The following FAM135A variants were observed in gnomAD, a reference collection of about 807,000 sequenced individuals.
The protein encoded by FAM135A is protein FAM135A.
FAM135A carries 79 observed loss-of-function variants against 146.8 expected under a neutral mutation model. That is an observed-to-expected ratio of 0.54 (90% CI 0.45 to 0.65). FAM135A has a LOEUF of 0.65. Among genes scored for constraint, FAM135A ranks in the 30% least tolerant of loss-of-function variants. The pLI is 0.00. For missense variants in FAM135A, 1,623 were observed against 1,758.2 expected (o/e 0.92, Z 1.38); for synonymous variants, 562 against 603.6 (o/e 0.93, Z 1.01).
chr6:70,498,732 T>C (rs1371950429), intron 11 of FAM135A, among the ~76,000 whole-genome samples: 1 of 152,228 alleles, frequency 6.6e-6, no homozygotes, highest in Non-Finnish European at 1.5e-5. Flanking sequence ...TTTCGTTGTT[T>C]ACCCAGTAGT....
chr6:70,517,745 T>G (rs1471720614), intron 12 of FAM135A, among the ~76,000 whole-genome samples: 1 of 152,152 alleles, frequency 6.6e-6, no homozygotes, highest in Non-Finnish European at 1.5e-5. Flanking sequence ...TGGGTAATTT[T>G]TTTTCTTTAA....
intron 21 of FAM135A, 141 bp from the exon 22 acceptor site, chr6:70,559,575 A>C: frequency 1.7e-6 from 1 of 601,260 alleles, no homozygotes; most frequent in Admixed American, 3.5e-5. Flanking sequence ...GGAAAATTAA[A>C]CCTTTTTAAA....
chr6:70,452,540 C>T lies in FAM135A; in HGVS notation c.126C>T (p.His42=). 1 of 1,597,326 alleles carries T rather than the reference C, an allele frequency of 6.3e-7. No homozygotes were observed. The highest frequency in any genetic ancestry group is 8.5e-7 in the Non-Finnish European group (1 of 1,175,320). The part of the protein sequence containing the change: ...ASMKIPSRIP[H]RVEASLLHAT... ...TGAAAATTCCATCAAGAATTCCCCA[C>T]AGAGTAGAAGCTAGTTTGTTGCATG... The change falls in exon 5 of 22, where the codon CAC becomes CAT. Residue 42 remains histidine, a synonymous_variant. Transcript: ENST00000418814.
rs1190823280 is a variant in FAM135A at position 70,524,877 on chromosome 6, T to C, written c.1793T>C (p.Phe598Ser). 12 of 1,612,074 alleles carry C rather than the reference T, an allele frequency of 7.4e-6. No homozygotes were observed. Among genetic ancestry groups the C allele is most frequent in the Non-Finnish European group, 1.0e-5 (12 of 1,178,988 alleles). ...PDIENVQPDQ[F>S]DPLNSGNLNL... ...ATTGAAAATGTTCAACCAGACCAGT[T>C]TGATCCTTTGAACTCTGGCAACCTA... Residue 598 changes from phenylalanine to serine, a missense_variant, in exon 15 of 22, where the codon TTT becomes TCT. Phe to Ser is a radical substitution (Grantham distance 155). Around this residue, in one of 7 missense-constraint regions of FAM135A, gnomAD observed 1,061 missense variants for 1,113.8 expected, o/e 0.95. Coordinates refer to ENST00000418814, the MANE Select transcript of FAM135A (RefSeq NM_001162529.3).
chr6:70,544,647 A>G (rs1285867387), intron 20 of FAM135A, among the ~76,000 whole-genome samples: 1 of 152,072 alleles, frequency 6.6e-6, no homozygotes, highest in Non-Finnish European at 1.5e-5. Flanking sequence ...AGGCTGAGGC[A>G]CAAGAATTGC....
At chr6:70,517,663 C>G (rs1032125559) in intron 12 of FAM135A, among the ~76,000 whole-genome samples, 2 of 152,134 alleles carry the variant, frequency 1.3e-5, no homozygotes, top group Admixed American at 1.3e-4. Context: ...AGGTGATCCA[C>G]CTGCCTCGGC....
chr6:70,478,085 A>G (rs1782968469), intron 8 of FAM135A, among the ~76,000 whole-genome samples: 1 of 152,160 alleles, frequency 6.6e-6, no homozygotes, highest in Non-Finnish European at 1.5e-5. Context: ...TCTTAACTGT[A>G]CATCATACAG....
Position 70,526,090 on chromosome 6 carries a change from A to G in FAM135A, c.3006A>G (p.Val1002=). Residue 1002 remains valine (V), a synonymous_variant, in exon 15 of 22, where the codon GTA becomes GTG. Transcript: ENST00000418814. ...EDRTMKKNSD[V]LNLTQMYSEI... Reference sequence around the variant, plus strand: ...GAACTATGAAAAAAAATAGTGATGTATTAAATCTCACACAGATGTATTCAG... The same window carrying G: ...GAACTATGAAAAAAAATAGTGATGTGTTAAATCTCACACAGATGTATTCAG... 1.2e-6 allele frequency: 2 copies of G among 1,613,200 alleles called. No individual in the cohort carries two copies. The highest frequency in any genetic ancestry group is 1.7e-6 in the Non-Finnish European group (2 of 1,179,592).
intron 13 of FAM135A, among the ~76,000 whole-genome samples, chr6:70,523,484 T>G (rs1424208850): frequency 6.6e-6 from 1 of 152,174 alleles, no homozygotes; most frequent in Non-Finnish European, 1.5e-5. Flanking sequence ...CTGTTTTAAC[T>G]GTTTTGTATT....
At chr6:70,497,666 G>A (rs905987323) in intron 11 of FAM135A, among the ~76,000 whole-genome samples, 4 of 152,142 alleles carry the variant, frequency 2.6e-5, no homozygotes, top group South Asian at 2.1e-4. Context: ...TTTGAGATAC[G>A]TTCCATCAAT....
intron 12 of FAM135A, among the ~76,000 whole-genome samples, chr6:70,511,391 C>G (rs916020905): frequency 2.0e-5 from 3 of 151,782 alleles, no homozygotes; most frequent in Admixed American, 2.0e-4. Context: ...ATAAGGTAAC[C>G]CTTGAGAGAA....
chr6:70,495,663 G>C (rs1279378728), intron 11 of FAM135A, among the ~76,000 whole-genome samples: 1 of 152,112 alleles, frequency 6.6e-6, no homozygotes. Flanking sequence ...TATACTTCAA[G>C]TTATGGGATA....
At chr6:70,544,108 T>TA (rs34753260) in intron 20 of FAM135A, among the ~76,000 whole-genome samples, 25,631 of 145,522 alleles carry the variant, frequency 0.18, 2,209 homozygotes, top group Middle Eastern at 0.24. Context: ...TAGTAAATGG[T>TA]AAAAAAAAAA....
At chr6:70,493,619 T>C (rs943605020) in intron 11 of FAM135A, among the ~76,000 whole-genome samples, 1 of 152,146 alleles carries the variant, frequency 6.6e-6, no homozygotes, top group African/African-American at 2.4e-5. Context: ...AGAAAAAATA[T>C]CTCCTCTTAG....
chr6:70,498,824 C>A (rs1040681738), intron 11 of FAM135A, among the ~76,000 whole-genome samples: 1 of 152,200 alleles, frequency 6.6e-6, no homozygotes, highest in Non-Finnish European at 1.5e-5. Context: ...AATTTGATTG[C>A]ACTGTGGTCT....
At chr6:70,449,613 C>T (rs988451219) in intron 4 of FAM135A, among the ~76,000 whole-genome samples, 1 of 151,912 alleles carries the variant, frequency 6.6e-6, no homozygotes, top group Non-Finnish European at 1.5e-5. Context: ...ATGTAGTATT[C>T]TGTTGTATAT....
At chr6:70,521,245 G>T (rs1793512255) in intron 12 of FAM135A, among the ~76,000 whole-genome samples, 2 of 152,190 alleles carry the variant, frequency 1.3e-5, no homozygotes, top group Admixed American at 1.3e-4. Context: ...AAGGTAGAGA[G>T]AGAAGGAAAA....
In FAM135A at chr6:70,428,445, A is replaced by G. The variant is rs765662816; in HGVS notation, c.77+26A>G. ...GTATGTATTTTATTGTGAAAATGATATATTTTGCATAAGATGTACAGTTTA... is the reference window on the plus strand; with the variant it reads ...GTATGTATTTTATTGTGAAAATGATGTATTTTGCATAAGATGTACAGTTTA... On this transcript the variant is annotated intron_variant, in intron 4 of 21. Transcript: ENST00000418814. 2.0e-6 allele frequency: 3 copies of G among 1,506,504 alleles called. No individual in the cohort carries two copies. In the East Asian group the frequency reaches 7.0e-5, roughly 35 times the overall value. 93.3% of individuals were successfully genotyped at this position (1,506,504 alleles called of 1,614,324 possible).
intron 4 of FAM135A, among the ~76,000 whole-genome samples, chr6:70,442,238 G>GTTTTTTTTTTTTTTTTTTTTTT (rs147268217): frequency 7.3e-6 from 1 of 136,410 alleles, no homozygotes; most frequent in African/African-American, 2.8e-5. Flanking sequence ...TTTCTTCATG[G>GTTTTTTTTTTTTTTTTTTTTTT]GTTTTTTTTT....
Sources: gnomAD v4.1 joint callset for allele counts (sites outside exome capture counted in the v4.1 genomes callset) on GRCh38, gnomAD v4.1.1 for gene constraint, gnomAD v4.1.1 regional missense constraint, MANE v1.5 for transcripts, NCBI Gene and HGNC (gene_info 2026-07-23, HGNC 2026-07-21) for gene names.